The following OXSR1 variants were observed in gnomAD, a reference collection of about 807,000 sequenced individuals.
OXSR1 encodes the protein serine/threonine-protein kinase OSR1.
In OXSR1, 24 loss-of-function variants were observed where a neutral mutation model predicts 79.8. The observed-to-expected ratio is 0.30, with a 90% CI of 0.22 to 0.42. The LOEUF is 0.42. OXSR1 is among the 10% of genes least tolerant of loss of function. OXSR1 has a pLI of 1.00. For synonymous variants in OXSR1, 226 were observed against 209.2 expected (o/e 1.08, Z -0.69); for missense variants, 430 against 618.4 (o/e 0.70, Z 3.23).
intron 6 of OXSR1, among the ~76,000 whole-genome samples, chr3:38,223,156 G>A (rs1263322809): frequency 6.6e-6 from 1 of 152,032 alleles, no homozygotes; most frequent in Non-Finnish European, 1.5e-5. Flanking sequence ...TATTTTTAGA[G>A]ACAGAGTCTT....
At chr3:38,247,848 C>G in intron 14 of OXSR1, 116 bp downstream of exon 14, 1 of 618,870 alleles carries the variant, frequency 1.6e-6, no homozygotes, top group Non-Finnish European at 2.9e-6. Flanking sequence ...GCATCAAGCT[C>G]TGTTTGCTTG....
intron 4 of OXSR1, among the ~76,000 whole-genome samples, chr3:38,211,024 G>A (rs1462949026): frequency 1.3e-5 from 2 of 152,156 alleles, no homozygotes; most frequent in Non-Finnish European, 2.9e-5. Context: ...TCAAAGGCCT[G>A]CTTGCCAAAT....
At chr3:38,201,707 C>CAAAA (rs112015179) in intron 4 of OXSR1, among the ~76,000 whole-genome samples, 15 of 146,986 alleles carry the variant, frequency 1.0e-4, no homozygotes, top group African/African-American at 2.5e-4. Flanking sequence ...GAGAGTGTCT[C>CAAAA]AAAAAAAAAA....
intron 4 of OXSR1, among the ~76,000 whole-genome samples, chr3:38,201,158 A>G (rs1004401885): frequency 6.6e-6 from 1 of 152,018 alleles, no homozygotes; most frequent in East Asian, 1.9e-4. Flanking sequence ...CTCCCACCTC[A>G]ATCTCACAAG....
At position 38,184,903 on chromosome 3, in the gene OXSR1, C is replaced by CTTTTTTTTTTTTTTTTTTT. The variant is rs1213000624; in HGVS notation, c.183+1818_183+1836dup. On this transcript the variant is annotated intron_variant, in intron 2 of 17. Coordinates refer to ENST00000311806, the MANE Select transcript of OXSR1 (RefSeq NM_005109.3). ...TAGTTCAAAAGTAGAAAGAACATTT[C>CTTTTTTTTTTTTTTTTTTT]TTTTTTTTTTTTTTTTTTTTTTTTT... Among the ~76,000 whole-genome samples the CTTTTTTTTTTTTTTTTTTT allele has an allele frequency of 8.8e-5, 2 of 22,856 alleles. 1 individual carries two copies. Among genetic ancestry groups the CTTTTTTTTTTTTTTTTTTT allele is most frequent in the Non-Finnish European group, 2.1e-4 (2 of 9,386 alleles). 15.0% of individuals were successfully genotyped at this position (22,856 alleles called of 152,430 possible). A position where few individuals can be genotyped will look rare whatever the true frequency, so the allele number is the denominator to read the frequency against.
At chr3:38,200,339 T>A (rs759734996) in intron 4 of OXSR1, among the ~76,000 whole-genome samples, 1 of 152,204 alleles carries the variant, frequency 6.6e-6, no homozygotes. Context: ...GTCTGAGTTA[T>A]AGCAGATTAA....
Position 38,251,510 on chromosome 3 carries a change from C to T in OXSR1, c.1444+39C>T, listed in dbSNP as rs748609879. 18 of 1,477,174 alleles carry T rather than the reference C, an allele frequency of 1.2e-5. No homozygotes were observed. In the Admixed American group the frequency reaches 3.0e-4, roughly 25 times the overall value. The allele number at this position is 1,477,174 out of a possible 1,614,324, so 91.5% of individuals were successfully genotyped here. A position where few individuals can be genotyped will look rare whatever the true frequency, so the allele number is the denominator to read the frequency against. On this transcript the variant is annotated intron_variant, in intron 16 of 17. Transcript: ENST00000311806. The stretch of plus-strand genomic sequence containing the variant: ...GTTCTGCTCATGTGCTCCTGTGTCT[C>T]TGTCTGTATACTTAGTACATAGAAA...
intron 8 of OXSR1, among the ~76,000 whole-genome samples, chr3:38,225,735 G>A (rs533783801): frequency 1.3e-5 from 2 of 152,214 alleles, no homozygotes; most frequent in South Asian, 4.1e-4. Flanking sequence ...TAATGAGGAA[G>A]CCCTAAGTTA....
At chr3:38,211,156 A>C (rs1702379762) in intron 4 of OXSR1, among the ~76,000 whole-genome samples, 1 of 152,180 alleles carries the variant, frequency 6.6e-6, no homozygotes, top group South Asian at 2.1e-4. Flanking sequence ...GAGGCCTAGC[A>C]CTATTTGGGC....
At chr3:38,226,529 T>C (rs76537902) in intron 8 of OXSR1, among the ~76,000 whole-genome samples, 5,425 of 152,098 alleles carry the variant, frequency 0.036, 108 homozygotes, top group Middle Eastern at 0.13. Context: ...AACTTTACAA[T>C]GCACCTCCTC....
intron 1 of OXSR1, among the ~76,000 whole-genome samples, chr3:38,180,525 C>CTTTT (rs35081111): frequency 3.2e-4 from 35 of 108,964 alleles, no homozygotes; most frequent in Non-Finnish European, 3.3e-4. Context: ...ATAGCTCCAA[C>CTTTT]TTTTTTTTTT....
intron 4 of OXSR1, among the ~76,000 whole-genome samples, chr3:38,202,103 T>C (rs1014194259): frequency 6.6e-6 from 1 of 152,196 alleles, no homozygotes; most frequent in South Asian, 2.1e-4. Flanking sequence ...TGAATAGTTA[T>C]CTCGAAAGAT....
At chr3:38,234,973 A>G (rs1232430300) in intron 10 of OXSR1, among the ~76,000 whole-genome samples, 1 of 152,238 alleles carries the variant, frequency 6.6e-6, no homozygotes, top group African/African-American at 2.4e-5. Context: ...CTAGTTTAAA[A>G]AGCCCATCAC....
Position 38,198,721 on chromosome 3 carries a change from G to A in OXSR1, c.293-1G>A. ...TAGAAAATTATGTCTTCTGTTTTCA[G>A]GTTCTGTTCTGGATATTATTAAGCA... On this transcript the variant is annotated splice_acceptor_variant, in intron 3 of 17. Coordinates refer to ENST00000311806, the MANE Select transcript of OXSR1 (RefSeq NM_005109.3). LOFTEE classifies it high-confidence loss of function. 1 of 1,607,138 alleles carries A rather than the reference G, an allele frequency of 6.2e-7. No homozygotes were observed. Among genetic ancestry groups the A allele is most frequent in the Non-Finnish European group, 8.5e-7 (1 of 1,176,044 alleles).
rs34951779 is a variant in OXSR1 at position 38,237,296 on chromosome 3, C to G, written c.1074+335C>G. ...TGAAGGCCCAGCAATGGAAGCTTTT[C>G]CCCTGAAGTCTGTTATCCTTCTACT... On this transcript the variant is annotated intron_variant, in intron 11 of 17. Transcript: ENST00000311806. Among the ~76,000 whole-genome samples, 453 of 152,252 alleles carry G rather than the reference C, an allele frequency of 3.0e-3. 1 individual carries two copies. Among genetic ancestry groups the G allele is most frequent in the African/African-American group, 0.01 (433 of 41,556 alleles).
At chr3:38,191,383 A>C (rs949631653) in intron 3 of OXSR1, among the ~76,000 whole-genome samples, 3 of 152,002 alleles carry the variant, frequency 2.0e-5, no homozygotes, top group Non-Finnish European at 2.9e-5. Context: ...CTCTTAATTT[A>C]GGATGCTTCC....
chr3:38,230,926 AC>A (rs913345200), intron 10 of OXSR1, among the ~76,000 whole-genome samples: 5 of 152,150 alleles, frequency 3.3e-5, no homozygotes, highest in Non-Finnish European at 7.3e-5. Context: ...ACTTTTATGA[AC>A]CTCTGTGAGA....
At chr3:38,181,310 T>G (rs1170393034) in intron 1 of OXSR1, among the ~76,000 whole-genome samples, 3 of 151,988 alleles carry the variant, frequency 2.0e-5, no homozygotes, top group Non-Finnish European at 4.4e-5. Flanking sequence ...AAAAGTAAGT[T>G]CTACTTCTTT....
chr3:38,255,142 C>T lies in OXSR1; in HGVS notation c.*2251C>T, dbSNP rs1254635501. 1 of 152,670 alleles carries T rather than the reference C, an allele frequency of 6.6e-6. No homozygotes were observed. Among genetic ancestry groups the T allele is most frequent in the South Asian group, 2.1e-4 (1 of 4,832 alleles). The allele number at this position is 152,670 out of a possible 1,614,324, so 9.5% of individuals were successfully genotyped here. A position where few individuals can be genotyped will look rare whatever the true frequency, so the allele number is the denominator to read the frequency against. On this transcript the variant is annotated 3_prime_UTR_variant, in exon 18 of 18. Coordinates refer to ENST00000311806, the MANE Select transcript of OXSR1 (RefSeq NM_005109.3). ...TTTCTAGGAATGCTGATTCAGAGTG[C>T]ACCTCTTTGACTAGGTCCCAGGATC...
Sources: gnomAD v4.1 joint callset for allele counts (sites outside exome capture counted in the v4.1 genomes callset) on GRCh38, gnomAD v4.1.1 for gene constraint, MANE v1.5 for transcripts, NCBI Gene and HGNC (gene_info 2026-07-23, HGNC 2026-07-21) for gene names.